The following PRPF3 variants were observed in gnomAD, a reference collection of about 807,000 sequenced individuals.
The protein encoded by PRPF3 is U4/U6 small nuclear ribonucleoprotein Prp3.
Under a neutral mutation model 89.2 loss-of-function variants are expected in PRPF3, and 3 were observed. The ratio of observed to expected loss-of-function variants is 0.03; its 90% CI spans 0.02 to 0.09. The LOEUF (loss-of-function observed/expected upper bound fraction) is 0.09. PRPF3 is among the 10% of genes least tolerant of loss of function. The pLI is 1.00. For synonymous variants in PRPF3, 270 were observed against 289.1 expected, an observed-to-expected ratio of 0.93 and a Z score of 0.67; for missense variants, 463 against 828.8, an observed-to-expected ratio of 0.56 and a Z score of 5.42.
intron 7 of PRPF3, among the ~76,000 whole-genome samples, chr1:150,335,832 A>G (rs1553867398): frequency 7.0e-6 from 1 of 142,874 alleles, no homozygotes; most frequent in Non-Finnish European, 1.5e-5. Flanking sequence ...GCAGTGGTAC[A>G]GTCTCAGCTC....
At chr1:150,342,208 C>T (rs1197494042) in intron 9 of PRPF3, among the ~76,000 whole-genome samples, 4 of 151,504 alleles carry the variant, frequency 2.6e-5, no homozygotes, top group Admixed American at 6.6e-5. Context: ...GGTGAAACCC[C>T]GTCTCTACTA....
Position 150,344,528 on chromosome 1 carries a change from G to T in PRPF3, c.1621G>T (p.Val541Leu). The part of the protein sequence containing the change: ...KKLKEDISQG[V>L]HISVYRVRNL... ...GCTTAAAGAAGACATTTCACAGGGGGTACACATATCTGTATATAGGTAGGT... is the reference window on the plus strand; with the variant it reads ...GCTTAAAGAAGACATTTCACAGGGGTTACACATATCTGTATATAGGTAGGT... The change falls in exon 12 of 16, where the codon GTA becomes TTA. Residue 541 changes from valine to leucine, a missense_variant. Val to Leu is a conservative substitution (Grantham distance 32). This residue lies in a region of PRPF3 where 261 missense variants were observed against 475.8 expected (regional missense o/e 0.55). Transcript: ENST00000324862. 3 of 1,614,020 alleles carry T rather than the reference G, an allele frequency of 1.9e-6. No individual in the cohort carries two copies. The highest frequency in any genetic ancestry group is 2.5e-6 in the Non-Finnish European group (3 of 1,179,978).
intron 9 of PRPF3, 114 bp downstream of exon 9, chr1:150,340,591 G>T: frequency 1.2e-6 from 1 of 809,866 alleles, no homozygotes; most frequent in Non-Finnish European, 2.1e-6. Context: ...CACTACCCAT[G>T]TGTAATTCTT....
chr1:150,331,224 A>G, intron 4 of PRPF3, among the ~76,000 whole-genome samples: 1 of 151,006 alleles, frequency 6.6e-6, no homozygotes, highest in East Asian at 2.0e-4. Context: ...TTTTTAGTAG[A>G]GATGGGGTTT....
In PRPF3 at chr1:150,325,893, T is replaced by G. The variant is rs1361022143; in HGVS notation, c.276+12T>G. ...AACGAGAGCTAAAGGTAGGTTACAATTTACTGTCTAATGAGCTCAGGACTG... is the reference window on the plus strand; with the variant it reads ...AACGAGAGCTAAAGGTAGGTTACAAGTTACTGTCTAATGAGCTCAGGACTG... On this transcript the variant is annotated intron_variant, in intron 3 of 15. Transcript: ENST00000324862. The G allele has an allele frequency of 1.2e-6, 2 of 1,611,654 alleles. No homozygotes were observed. The highest frequency in any genetic ancestry group is 1.7e-6 in the Non-Finnish European group (2 of 1,178,366).
In PRPF3 at chr1:150,346,537, G is replaced by C. The variant is rs373486158; in HGVS notation, c.1843+46G>C. The C allele has an allele frequency of 7.6e-5, 116 of 1,530,382 alleles. 1 individual carries two copies. The highest frequency in any genetic ancestry group is 5.2e-4 in the Admixed American group (31 of 59,792). 94.8% of individuals were successfully genotyped at this position (1,530,382 alleles called of 1,614,324 possible). ...ATTAAGGGGGAGAGCTATGGGAGGT[G>C]GGGATGGTGCATCTGTCCGTTCATC... is the stretch of plus-strand genomic sequence containing the variant. On this transcript the variant is annotated intron_variant, in intron 14 of 15. Coordinates refer to ENST00000324862, the MANE Select transcript of PRPF3 (RefSeq NM_004698.4).
chr1:150,332,817 C>A (rs781974124), intron 5 of PRPF3, 50 bp downstream of exon 5: 5 of 1,589,506 alleles, frequency 3.1e-6, no homozygotes, highest in Non-Finnish European at 4.3e-6. Flanking sequence ...CACAGAATTT[C>A]TTGCCATCCA....
chr1:150,324,893 A>C lies in PRPF3; in HGVS notation c.-48-2A>C. 2 of 522,620 alleles carry C rather than the reference A, an allele frequency of 3.8e-6. No homozygotes were observed. Among genetic ancestry groups the C allele is most frequent in the Non-Finnish European group, 5.1e-6 (2 of 394,246 alleles). 32.4% of individuals were successfully genotyped at this position (522,620 alleles called of 1,614,324 possible). A position where few individuals can be genotyped will look rare whatever the true frequency, so the allele number is the denominator to read the frequency against. On this transcript the variant is annotated splice_acceptor_variant, in intron 1 of 15. Transcript: ENST00000324862. LOFTEE classifies it low-confidence loss of function (5UTR_SPLICE). ...TCTAACTTGTCTCTTTTTTTTTTTT[A>C]GGTGTAGTATTGAGTCCTGTTTGAG...
In PRPF3 at chr1:150,325,618, G is replaced by A. The variant is rs1373322768; in HGVS notation, c.146-133G>A. 3.5e-6 allele frequency: 4 copies of A among 1,155,634 alleles called. No individual in the cohort carries two copies. In the African/African-American group the frequency reaches 4.6e-5, roughly 13 times the overall value. The allele number at this position is 1,155,634 out of a possible 1,614,324, so 71.6% of individuals were successfully genotyped here. On this transcript the variant is annotated intron_variant, in intron 2 of 15. Coordinates refer to ENST00000324862, the MANE Select transcript of PRPF3 (RefSeq NM_004698.4). ...AAGGTCATTTAGTGTAAGAGAGATG[G>A]GAATCCTACAAAAAACTTAAAATTT... is the stretch of plus-strand genomic sequence containing the variant.
chr1:150,341,612 G>C (rs1441307832), intron 9 of PRPF3, among the ~76,000 whole-genome samples: 1 of 151,688 alleles, frequency 6.6e-6, no homozygotes, highest in Non-Finnish European at 1.5e-5. Flanking sequence ...ACCATGTTTG[G>C]TCAGGCTGGT....
intron 9 of PRPF3, among the ~76,000 whole-genome samples, chr1:150,341,470 A>C (rs949723233): frequency 2.2e-5 from 3 of 134,696 alleles, no homozygotes; most frequent in Admixed American, 8.9e-5. Flanking sequence ...CAACGGCATG[A>C]TCTCAGCTCA....
intron 6 of PRPF3, among the ~76,000 whole-genome samples, 182 bp downstream of exon 6, chr1:150,333,381 A>G (rs1047399890): frequency 1.9e-4 from 29 of 152,126 alleles, no homozygotes; most frequent in Admixed American, 7.2e-4. Flanking sequence ...AGCCTGGCCA[A>G]TATGGTGAAA....
intron 3 of PRPF3, among the ~76,000 whole-genome samples, chr1:150,326,880 G>A (rs1553863947): frequency 6.6e-6 from 1 of 151,872 alleles, no homozygotes; most frequent in African/African-American, 2.4e-5. Flanking sequence ...AAGAGGCAGG[G>A]GTATCACAAA....
intron 8 of PRPF3, among the ~76,000 whole-genome samples, chr1:150,339,381 A>AAG (rs1657418661): frequency 6.6e-6 from 1 of 151,928 alleles, no homozygotes; most frequent in African/African-American, 2.4e-5. Context: ...TGTCTCAAAA[A>AAG]AAAAAAGGAT....
intron 1 of PRPF3, among the ~76,000 whole-genome samples, chr1:150,322,371 T>C (rs1655143544): frequency 6.6e-6 from 1 of 152,260 alleles, no homozygotes; most frequent in Non-Finnish European, 1.5e-5. Context: ...TTTTGTAAGA[T>C]GGTAAACTGT....
At chr1:150,322,680 C>T (rs1192196039) in intron 1 of PRPF3, among the ~76,000 whole-genome samples, 2 of 152,136 alleles carry the variant, frequency 1.3e-5, no homozygotes, top group Non-Finnish European at 2.9e-5. Context: ...GTCTATTTGG[C>T]ATCAAGTCTT....
chr1:150,350,637 G>T (rs1006871958), intron 15 of PRPF3, among the ~76,000 whole-genome samples: 2 of 152,142 alleles, frequency 1.3e-5, no homozygotes, highest in Non-Finnish European at 2.9e-5. Flanking sequence ...TGTTTATTAA[G>T]ATTAGAAACA....
In PRPF3 at chr1:150,325,142, C is replaced by T. The variant is rs782805686; in HGVS notation, c.145+55C>T. 2.8e-5 allele frequency: 45 copies of T among 1,583,518 alleles called. No individual in the cohort carries two copies. In the South Asian group the frequency reaches 4.9e-4, roughly 17 times the overall value. On this transcript the variant is annotated intron_variant, in intron 2 of 15. Coordinates refer to ENST00000324862, the MANE Select transcript of PRPF3 (RefSeq NM_004698.4). ...ACATATAGGGTGACCCCAAACACTG[C>T]TTTGAACTTCCTCAAAATTCTCTCT...
rs199570432 is a variant in PRPF3 at position 150,352,817 on chromosome 1, T to C, written c.1906-16T>C. On this transcript the variant is annotated splice_polypyrimidine_tract_variant and intron_variant, in intron 15 of 15. Coordinates refer to ENST00000324862, the MANE Select transcript of PRPF3 (RefSeq NM_004698.4). ...ATAAGAAATTGAAGTGTTTTTATTATATATCTCTTTTCTAGGGTACAGCCA... is the reference window on the plus strand; with the variant it reads ...ATAAGAAATTGAAGTGTTTTTATTACATATCTCTTTTCTAGGGTACAGCCA... 4 of 1,612,974 alleles carry C rather than the reference T, an allele frequency of 2.5e-6. No homozygotes were observed. The Admixed American group carries it at 5.0e-5, about 20-fold the overall frequency.
Sources: gnomAD v4.1 joint callset for allele counts (sites outside exome capture counted in the v4.1 genomes callset) on GRCh38, gnomAD v4.1.1 for gene constraint, gnomAD v4.1.1 regional missense constraint, MANE v1.5 for transcripts, NCBI Gene and HGNC (gene_info 2026-07-23, HGNC 2026-07-21) for gene names.